CLVS1: variants seen among roughly 807,000 people sequenced by gnomAD.
CLVS1 encodes the protein clavesin-1.
CLVS1 carries 10 observed loss-of-function variants against 33.1 expected under a neutral mutation model. The ratio of observed to expected loss-of-function variants is 0.30; its 90% confidence interval spans 0.19 to 0.51. The LOEUF (loss-of-function observed/expected upper bound fraction) is 0.51, where lower values mean the gene tolerates loss of function less well. Ranked by LOEUF, CLVS1 falls within the 20% of genes least tolerant of loss-of-function variation. The pLI is 0.97. For missense variants in CLVS1, 343 were observed against 433.4 expected, an observed-to-expected ratio of 0.79 and a Z score of 1.85; for synonymous variants, 163 against 166.1, an observed-to-expected ratio of 0.98 and a Z score of 0.14.
At chr8:60,972,823 G>A in the CLVS1 span, among the ~76,000 whole-genome samples, 21 of 152,184 alleles carry the variant, frequency 1.4e-4, no homozygotes, top group Admixed American at 3.9e-4. Flanking sequence ...AATTCAGGGA[G>A]GCAGATTTGA....
chr8:61,051,812 T>A, the CLVS1 span, among the ~76,000 whole-genome samples: 2 of 152,156 alleles, frequency 1.3e-5, no homozygotes, highest in Non-Finnish European at 2.9e-5. Flanking sequence ...GGCCATGGAG[T>A]GCCCCCCAAC....
intron 2 of CLVS1, among the ~76,000 whole-genome samples, chr8:61,372,824 G>A (rs780451212): frequency 1.3e-5 from 2 of 152,016 alleles, no homozygotes; most frequent in African/African-American, 2.4e-5. Context: ...GATTACTCTT[G>A]GGTTATATTT....
chr8:61,137,404 C>A (rs1452220535), intron 2 of CLVS1, among the ~76,000 whole-genome samples: 2 of 152,114 alleles, frequency 1.3e-5, no homozygotes, highest in Non-Finnish European at 2.9e-5. Context: ...AGATATGGGA[C>A]CAAATCCATC....
intron 5 of CLVS1, among the ~76,000 whole-genome samples, chr8:61,484,982 A>G (rs1448484751): frequency 1.3e-5 from 2 of 152,260 alleles, no homozygotes; most frequent in African/African-American, 2.4e-5. Flanking sequence ...ACCTAAAACC[A>G]TAAAAACCCT....
chr8:61,272,402 C>G (rs1373145893), intron 2 of CLVS1, among the ~76,000 whole-genome samples: 2 of 152,068 alleles, frequency 1.3e-5, no homozygotes. Context: ...GGTAACCCGA[C>G]CTTTCTCTCT....
intron 2 of CLVS1, among the ~76,000 whole-genome samples, chr8:61,328,622 G>T (rs1208831816): frequency 6.6e-6 from 1 of 151,752 alleles, no homozygotes; most frequent in Non-Finnish European, 1.5e-5. Context: ...CTTCCATAAA[G>T]CCTGCTCCAG....
At chr8:61,409,140 T>C (rs544035093) in intron 3 of CLVS1, among the ~76,000 whole-genome samples, 5 of 152,330 alleles carry the variant, frequency 3.3e-5, no homozygotes, top group African/African-American at 1.2e-4. Context: ...CATATTTCAA[T>C]ATGACTGACA....
chr8:61,315,285 G>T (rs1810971878), intron 2 of CLVS1, among the ~76,000 whole-genome samples: 1 of 152,196 alleles, frequency 6.6e-6, no homozygotes, highest in African/African-American at 2.4e-5. Flanking sequence ...AGCTATTAAA[G>T]ATAAGGCTTT....
At chr8:61,355,484 T>C (rs547566077) in intron 2 of CLVS1, among the ~76,000 whole-genome samples, 290 of 152,208 alleles carry the variant, frequency 1.9e-3, no homozygotes, top group Non-Finnish European at 3.7e-3. Context: ...TACATATGTA[T>C]ACATGTGCCA....
At chr8:61,350,990 G>A (rs1812432915) in intron 2 of CLVS1, among the ~76,000 whole-genome samples, 1 of 152,110 alleles carries the variant, frequency 6.6e-6, no homozygotes, top group African/African-American at 2.4e-5. Context: ...AGGAAGATGT[G>A]GTTGTAACCG....
At chr8:61,171,008 C>T (rs991093457) in intron 2 of CLVS1, among the ~76,000 whole-genome samples, 1 of 152,048 alleles carries the variant, frequency 6.6e-6, no homozygotes, top group African/African-American at 2.4e-5. Context: ...ACATATGACT[C>T]TTTAGATATT....
chr8:61,009,268 C>T, the CLVS1 span, among the ~76,000 whole-genome samples: 1 of 152,094 alleles, frequency 6.6e-6, no homozygotes, highest in East Asian at 1.9e-4. Context: ...CCCACGTAGC[C>T]TCCTGAGTAG....
At chr8:61,319,714 AT>A (rs1249906436) in intron 2 of CLVS1, among the ~76,000 whole-genome samples, 1 of 152,024 alleles carries the variant, frequency 6.6e-6, no homozygotes, top group East Asian at 1.9e-4. Context: ...TTTATTCCAC[AT>A]TTCTGTTTGA....
chr8:61,126,922 G>A (rs978443649), intron 1 of CLVS1, among the ~76,000 whole-genome samples: 6 of 152,184 alleles, frequency 3.9e-5, no homozygotes, highest in Non-Finnish European at 8.8e-5. Context: ...AACCCAGCTT[G>A]AGTCAAATAT....
the CLVS1 span, among the ~76,000 whole-genome samples, chr8:61,044,211 C>T: frequency 2.0e-5 from 3 of 152,118 alleles, no homozygotes; most frequent in South Asian, 6.2e-4. Context: ...CTGGAAAGCC[C>T]CCAAAGGAGT....
chr8:61,093,151 A>T (rs541125945), intron 1 of CLVS1, among the ~76,000 whole-genome samples: 15 of 152,228 alleles, frequency 9.9e-5, no homozygotes, highest in African/African-American at 3.6e-4. Context: ...CTTATACCTT[A>T]CTGTGTATAT....
intron 1 of CLVS1, among the ~76,000 whole-genome samples, chr8:61,127,835 G>T (rs1408016185): frequency 6.6e-6 from 1 of 152,140 alleles, no homozygotes; most frequent in African/African-American, 2.4e-5. Context: ...TATAAACCAT[G>T]TAAGACAAAT....
At chr8:61,460,674 C>G (rs1182718968) in intron 5 of CLVS1, among the ~76,000 whole-genome samples, 1 of 152,188 alleles carries the variant, frequency 6.6e-6, no homozygotes, top group Non-Finnish European at 1.5e-5. Flanking sequence ...CTAACTTTCT[C>G]AAAACACTCT....
intron 2 of CLVS1, among the ~76,000 whole-genome samples, chr8:61,235,965 G>T (rs1563456739): frequency 6.6e-6 from 1 of 152,176 alleles, no homozygotes; most frequent in African/African-American, 2.4e-5. Flanking sequence ...GGGCTGTCAG[G>T]TTTCAGACCC....
Sources: allele counts gnomAD v4.1 joint callset (sites outside exome capture counted in the v4.1 genomes callset), GRCh38; gene constraint gnomAD v4.1.1; transcripts MANE v1.5; gene names NCBI Gene and HGNC (gene_info 2026-07-23, HGNC 2026-07-21).